PAX6: variants seen among roughly 807,000 people sequenced by gnomAD.
PAX6 encodes paired box 6.
PAX6 carries 7 observed loss-of-function variants against 60.7 expected under a neutral mutation model. The ratio of observed to expected loss-of-function variants is 0.12; its 90% confidence interval spans 0.07 to 0.22. PAX6 has a LOEUF of 0.22. Among genes scored for constraint, PAX6 ranks in the 10% least tolerant of loss-of-function variants. The probability of loss-of-function intolerance (pLI) is 1.00; values close to 1 mark genes in which losing one functional copy is unlikely to be tolerated. For missense variants in PAX6, 355 were observed against 555.2 expected, an observed-to-expected ratio of 0.64 and a Z score of 3.62; for synonymous variants, 208 against 201.2, an observed-to-expected ratio of 1.03 and a Z score of -0.29.
rs549862898 is a variant in PAX6, at chr11:31,803,107, G to GC, written c.11-274_11-273insG. The GC allele has an allele frequency of 8.4e-4, 333 of 397,380 alleles. 1 individual carries two copies. The highest frequency in any genetic ancestry group is 1.2e-3 in the Middle Eastern group (2 of 1,618). 24.6% of individuals were successfully genotyped at this position (397,380 alleles called of 1,614,324 possible). A position where few individuals can be genotyped will look rare whatever the true frequency, so the allele number is the denominator to read the frequency against. ...GCCATGCCAGACATCGGGCAGCCCA[G>GC]TCCAAGCAACCGTGCCCCTGCCCAC... On this transcript the variant is annotated intron_variant, in intron 4 of 13. Transcript: ENST00000640368.
chr11:31,797,145 GTGGGGGACAC>G (rs148013190), intron 8 of PAX6, among the ~76,000 whole-genome samples: 4,071 of 152,208 alleles, frequency 0.027, 166 homozygotes, highest in African/African-American at 0.093. Context: ...CTGGTATGGG[GTGGGGGACAC>G]TGAGGAGAAC....
chr11:31,789,917 T>TC lies in PAX6; in HGVS notation c.*16_*17insG. 1 of 1,314,040 alleles carries TC rather than the reference T, an allele frequency of 7.6e-7. No individual in the cohort carries two copies. Among genetic ancestry groups the TC allele is most frequent in the Non-Finnish European group, 1.0e-6 (1 of 978,872 alleles). 81.4% of individuals were successfully genotyped at this position (1,314,040 alleles called of 1,614,324 possible). On this transcript the variant is annotated 3_prime_UTR_variant, in exon 14 of 14. Coordinates refer to ENST00000640368, the MANE Select transcript of PAX6 (RefSeq NM_001368894.2). ...TTAACACAATATTTCCTTTCCTTTT[T>TC]TTTTTTTTTTTTTTTTTTACTGTAA...
intron 7 of PAX6, 160 bp downstream of exon 7, chr11:31,801,401 T>A (rs1953789681): frequency 2.0e-6 from 3 of 1,518,510 alleles, no homozygotes; most frequent in African/African-American, 1.4e-5. Context: ...CAAAGAAAAG[T>A]CAGGGCATTC....
chr11:31,799,792 G>A (rs2051459270), intron 8 of PAX6, among the ~76,000 whole-genome samples: 1 of 152,156 alleles, frequency 6.6e-6, no homozygotes, highest in African/African-American at 2.4e-5. Flanking sequence ...TTGTGCTCCT[G>A]GGAGTGAGAC....
upstream of PAX6, chr11:31,814,007 A>G (rs1957254062): frequency 6.6e-6 from 1 of 151,974 alleles, no homozygotes; most frequent in South Asian, 2.1e-4. Context: ...GCAGGTCGCC[A>G]TTTTAATTGC....
At chr11:31,815,008 CT>C (rs1957309990), upstream of PAX6, 2 of 151,514 alleles carry the variant, frequency 1.3e-5, no homozygotes, top group East Asian at 2.0e-4. Flanking sequence ...CTCTCTCTCT[CT>C]CTCTCTCTCT....
chr11:31,810,606 A>C, intron 2 of PAX6: 2 of 341,180 alleles, frequency 5.9e-6, no homozygotes, highest in Non-Finnish European at 5.3e-6. Flanking sequence ...GCCCGCCCCG[A>C]GCCCTGCGCC....
Position 31,794,643 on chromosome 11 carries a change from C to T in PAX6, c.711G>A (p.Glu237=). The change falls in exon 9 of 14, where the codon GAG becomes GAA. Residue 237 remains glutamate (E), a synonymous_variant. Coordinates refer to ENST00000640368, the MANE Select transcript of PAX6 (RefSeq NM_001368894.2). ...NRTSFTQEQI[E]ALEKEFERTH... ...AAACTCTATCACCTTTCTCCAGGGC[C>T]TCAATTTGCTCTTGGGTAAAGGATG... is the stretch of plus-strand genomic sequence containing the variant. 1 of 1,614,164 alleles carries T rather than the reference C, an allele frequency of 6.2e-7. No homozygotes were observed. Among genetic ancestry groups the T allele is most frequent in the East Asian group, 2.2e-5 (1 of 44,886 alleles).
At chr11:31,813,942 C>T (rs1025114070), upstream of PAX6, among the ~76,000 whole-genome samples, 12 of 152,048 alleles carry the variant, frequency 7.9e-5, no homozygotes, top group African/African-American at 2.9e-4. Flanking sequence ...GTGTGGGGGC[C>T]GAGACTGAGG....
intron 8 of PAX6, among the ~76,000 whole-genome samples, chr11:31,800,243 C>T (rs1418455365): frequency 1.3e-5 from 2 of 152,162 alleles, no homozygotes; most frequent in Non-Finnish European, 2.9e-5. Flanking sequence ...CTCACCTTTT[C>T]ATGTGCACCC....
chr11:31,802,941 G>T, intron 4 of PAX6, 107 bp from the exon 5 acceptor site: 1 of 1,095,428 alleles, frequency 9.1e-7, no homozygotes, highest in Non-Finnish European at 1.4e-6. Flanking sequence ...AACAAGAACA[G>T]AAAGGAGAGG....
intron 8 of PAX6, among the ~76,000 whole-genome samples, chr11:31,799,319 C>T (rs940317350): frequency 1.5e-4 from 23 of 152,048 alleles, no homozygotes; most frequent in Non-Finnish European, 3.4e-4. Flanking sequence ...AGCCCGGGCC[C>T]CGCGCGTCAG....
At chr11:31,797,247 C>T (rs989049750) in intron 8 of PAX6, among the ~76,000 whole-genome samples, 2 of 152,122 alleles carry the variant, frequency 1.3e-5, no homozygotes, top group Non-Finnish European at 2.9e-5. Flanking sequence ...CACATTCGAT[C>T]TCGCCAATTA....
At chr11:31,801,976 A>G in intron 5 of PAX6, 64 bp from the exon 6 acceptor site, 2 of 1,350,022 alleles carry the variant, frequency 1.5e-6, no homozygotes, top group Non-Finnish European at 2.1e-6. Flanking sequence ...TTTTTCTTAA[A>G]ATTACATTTG....
chr11:31,794,026 C>G lies in PAX6; in HGVS notation c.807+6G>C, dbSNP rs375134684. The G allele has an allele frequency of 5.0e-6, 8 of 1,586,234 alleles. No homozygotes were observed. Among genetic ancestry groups the G allele is most frequent in the Non-Finnish European group, 6.9e-6 (8 of 1,154,556 alleles). On this transcript the variant is annotated splice_donor_region_variant and intron_variant, in intron 10 of 13. Coordinates refer to ENST00000640368, the MANE Select transcript of PAX6 (RefSeq NM_001368894.2). ...CAAAGTGTGAAACTGCACAGTCTCT[C>G]GGTACCTGTATTCTTGCTTCAGGTA...
chr11:31,802,543 G>A (rs1954350736), intron 5 of PAX6, 161 bp downstream of exon 5: 1 of 669,470 alleles, frequency 1.5e-6, no homozygotes, highest in Non-Finnish European at 2.4e-6. Context: ...GAAGGAGAGG[G>A]GAAAGTGGGA....
At chr11:31,801,402 C>A (rs1953790675) in intron 7 of PAX6, 159 bp downstream of exon 7, 1 of 1,519,884 alleles carries the variant, frequency 6.6e-7, no homozygotes, top group African/African-American at 1.4e-5. Flanking sequence ...AAAGAAAAGT[C>A]AGGGCATTCC....
chr11:31,796,929 G>A (rs1951755122), intron 8 of PAX6, among the ~76,000 whole-genome samples: 1 of 152,138 alleles, frequency 6.6e-6, no homozygotes, highest in Non-Finnish European at 1.5e-5. Context: ...ACGTGTGCGG[G>A]CACAAGCGTC....
At chr11:31,800,049 C>T (rs1953110762) in intron 8 of PAX6, among the ~76,000 whole-genome samples, 1 of 151,622 alleles carries the variant, frequency 6.6e-6, no homozygotes, top group Admixed American at 6.6e-5. Context: ...GAGCGGCTCC[C>T]GGCATCCCGC....
Sources: gnomAD v4.1 joint callset for allele counts (sites outside exome capture counted in the v4.1 genomes callset) on GRCh38, gnomAD v4.1.1 for gene constraint, MANE v1.5 for transcripts, NCBI Gene and HGNC (gene_info 2026-07-23, HGNC 2026-07-21) for gene names.